Variants in CACNA2D3 observed in about 807,000 individuals in gnomAD.
CACNA2D3 encodes voltage-dependent calcium channel subunit alpha-2/delta-3.
A neutral mutation model predicts 160.6 loss-of-function variants in CACNA2D3; 60 were observed. That is an observed-to-expected ratio of 0.37 (90% CI 0.30 to 0.46). The LOEUF (loss-of-function observed/expected upper bound fraction) is 0.46. Among genes scored for constraint, CACNA2D3 ranks in the 20% least tolerant of loss-of-function variants. CACNA2D3 has a pLI of 1.00. For synonymous variants in CACNA2D3, 558 were observed against 492.9 expected (o/e 1.13, Z -1.75); for missense variants, 1,205 against 1,365.0 (o/e 0.88, Z 1.85).
intron 2 of CACNA2D3, among the ~76,000 whole-genome samples, chr3:54,300,818 C>T (rs573904896): frequency 5.3e-5 from 8 of 152,052 alleles, no homozygotes; most frequent in Non-Finnish European, 8.8e-5. Flanking sequence ...CGTTCAAGAC[C>T]AGCCTGGGCA....
intron 11 of CACNA2D3, among the ~76,000 whole-genome samples, chr3:54,692,074 A>G (rs527388362): frequency 2.0e-5 from 3 of 151,968 alleles, no homozygotes; most frequent in Admixed American, 6.5e-5. Flanking sequence ...CCTGGGTTCT[A>G]GCGATTCTCC....
chr3:54,288,430 A>G (rs1008405337), intron 2 of CACNA2D3, among the ~76,000 whole-genome samples: 1 of 152,246 alleles, frequency 6.6e-6, no homozygotes, highest in Non-Finnish European at 1.5e-5. Context: ...GGCAAAATCA[A>G]TAGCTTACCC....
intron 2 of CACNA2D3, among the ~76,000 whole-genome samples, chr3:54,164,255 C>T (rs942548246): frequency 3.9e-5 from 6 of 152,184 alleles, no homozygotes; most frequent in Non-Finnish European, 7.3e-5. Context: ...CACGTACCCC[C>T]TCTCCCCAAA....
chr3:54,304,453 G>A (rs6790114), intron 2 of CACNA2D3, among the ~76,000 whole-genome samples: 34,153 of 152,084 alleles, frequency 0.22, 4,168 homozygotes, highest in South Asian at 0.34. Flanking sequence ...CCTTTGGCAT[G>A]TATAGGATGA....
intron 25 of CACNA2D3, among the ~76,000 whole-genome samples, chr3:54,892,358 A>G (rs1279418211): frequency 2.0e-5 from 3 of 152,108 alleles, no homozygotes; most frequent in African/African-American, 7.2e-5. Flanking sequence ...GGATTGGCTC[A>G]TCAGGGGTCC....
chr3:54,648,260 T>G (rs556928861), intron 11 of CACNA2D3, among the ~76,000 whole-genome samples: 1 of 152,366 alleles, frequency 6.6e-6, no homozygotes, highest in East Asian at 1.9e-4. Flanking sequence ...GAAACAGTAT[T>G]TCATGGCATG....
In CACNA2D3 at chr3:54,298,933, ACT is replaced by A. The variant is rs534159176; in HGVS notation, c.205-21506_205-21505del. On this transcript the variant is annotated intron_variant, in intron 2 of 37. Coordinates refer to ENST00000474759, the MANE Select transcript of CACNA2D3 (RefSeq NM_018398.3). ...ACTCCAGCCTGAGCAACAGAGCAAG[ACT>A]CTGTTTCTTAAAAAAAAAAAAAAAA... Among the ~76,000 whole-genome samples, 30 of 135,886 alleles carry A rather than the reference ACT, an allele frequency of 2.2e-4. 1 individual carries two copies. Among genetic ancestry groups the A allele is most frequent in the Middle Eastern group, 7.2e-3 (2 of 276 alleles). The allele number at this position is 135,886 out of a possible 152,430, so 89.1% of individuals were successfully genotyped here. A position where few individuals can be genotyped will look rare whatever the true frequency, so the allele number is the denominator to read the frequency against.
chr3:54,907,404 A>ATATG (rs1033574323), intron 27 of CACNA2D3, among the ~76,000 whole-genome samples: 1 of 152,186 alleles, frequency 6.6e-6, no homozygotes, highest in African/African-American at 2.4e-5. Flanking sequence ...CAATACTGGA[A>ATATG]TATGTCTTAG....
chr3:54,721,609 A>T (rs1362338442), intron 11 of CACNA2D3, among the ~76,000 whole-genome samples: 1 of 151,962 alleles, frequency 6.6e-6, no homozygotes, highest in African/African-American at 2.4e-5. Flanking sequence ...AAAAATACAA[A>T]AATTAGCCAG....
At chr3:54,608,193 T>C (rs892767078) in intron 9 of CACNA2D3, among the ~76,000 whole-genome samples, 1 of 152,184 alleles carries the variant, frequency 6.6e-6, no homozygotes, top group African/African-American at 2.4e-5. Flanking sequence ...TGTAGTTAGG[T>C]TAACAGTGTT....
intron 5 of CACNA2D3, among the ~76,000 whole-genome samples, chr3:54,511,705 G>C (rs1701461858): frequency 1.3e-5 from 2 of 152,184 alleles, no homozygotes; most frequent in South Asian, 4.1e-4. Flanking sequence ...GAGCAGTAAA[G>C]GACAATGGGA....
intron 11 of CACNA2D3, among the ~76,000 whole-genome samples, chr3:54,711,007 T>C (rs1216154918): frequency 6.6e-6 from 1 of 152,148 alleles, no homozygotes; most frequent in East Asian, 1.9e-4. Context: ...CATATTTTGA[T>C]AGAAGGTAAT....
At chr3:54,742,774 A>G (rs564467846) in intron 11 of CACNA2D3, among the ~76,000 whole-genome samples, 46 of 152,346 alleles carry the variant, frequency 3.0e-4, no homozygotes, top group Middle Eastern at 3.4e-3. Flanking sequence ...TTCCATCTAG[A>G]ATCAAGAGGC....
intron 27 of CACNA2D3, chr3:54,918,292 C>T (rs1353313172): frequency 2.9e-6 from 2 of 682,934 alleles, no homozygotes; most frequent in Admixed American, 2.7e-5. Flanking sequence ...ACATAAATTC[C>T]TCCCCAGAAA....
chr3:54,209,639 G>A (rs1221291162), intron 2 of CACNA2D3, among the ~76,000 whole-genome samples: 3 of 152,164 alleles, frequency 2.0e-5, no homozygotes, highest in Non-Finnish European at 4.4e-5. Context: ...GTCAGTAATG[G>A]TAGAATCTCT....
chr3:54,198,279 A>T (rs1295531473), intron 2 of CACNA2D3, among the ~76,000 whole-genome samples: 1 of 152,182 alleles, frequency 6.6e-6, no homozygotes, highest in Non-Finnish European at 1.5e-5. Flanking sequence ...TGAACCCGCC[A>T]TTGCCTGCAA....
chr3:54,646,405 C>G (rs1699651725), intron 11 of CACNA2D3, among the ~76,000 whole-genome samples: 2 of 53,216 alleles, frequency 3.8e-5, no homozygotes, highest in Non-Finnish European at 7.3e-5. Flanking sequence ...GATGCTCTCT[C>G]ACCCCACAAA....
intron 2 of CACNA2D3, among the ~76,000 whole-genome samples, chr3:54,160,186 C>T (rs1431766450): frequency 6.6e-6 from 1 of 152,206 alleles, no homozygotes; most frequent in East Asian, 1.9e-4. Flanking sequence ...TGTTCAGATG[C>T]TCCCTAGGTC....
chr3:54,922,417 G>C (rs1311208965), intron 27 of CACNA2D3, among the ~76,000 whole-genome samples: 1 of 150,964 alleles, frequency 6.6e-6, no homozygotes, highest in East Asian at 1.9e-4. Context: ...CAATACAATA[G>C]TTCAAGCCAC....
Sources: gnomAD v4.1 joint callset for allele counts (sites outside exome capture counted in the v4.1 genomes callset) on GRCh38, gnomAD v4.1.1 for gene constraint, MANE v1.5 for transcripts, NCBI Gene and HGNC (gene_info 2026-07-23, HGNC 2026-07-21) for gene names.